The following CRHBP variants were observed in gnomAD, a reference collection of about 807,000 sequenced individuals.
CRHBP encodes the protein corticotropin-releasing hormone-binding protein.
Under a neutral mutation model 34.9 loss-of-function variants are expected in CRHBP, and 19 were observed. The observed-to-expected ratio is 0.55, with a 90% CI of 0.38 to 0.80. The LOEUF (loss-of-function observed/expected upper bound fraction) is 0.80, where lower values mean the gene tolerates loss of function less well. Among genes scored for constraint, CRHBP ranks in the 30% least tolerant of loss-of-function variants. CRHBP has a pLI of 0.00. For missense variants in CRHBP, 328 were observed against 409.2 expected (o/e 0.80, Z 1.71); for synonymous variants, 154 against 153.4 (o/e 1.00, Z -0.03).
At chr5:76,962,174 G>C (rs570645635) in intron 5 of CRHBP, among the ~76,000 whole-genome samples, 21 of 152,216 alleles carry the variant, frequency 1.4e-4, no homozygotes, top group Admixed American at 8.5e-4. Context: ...GAAGTACTGA[G>C]CACCTTGTCA....
At chr5:76,980,567 G>A (rs964430897) in intron 3 of CRHBP, among the ~76,000 whole-genome samples, 10 of 152,190 alleles carry the variant, frequency 6.6e-5, no homozygotes, top group Non-Finnish European at 1.3e-4. Context: ...TTGAATATTT[G>A]GTCAACTTGG....
intron 6 of CRHBP, 78 bp from the exon 7 acceptor site, chr5:76,968,650 A>C: frequency 6.9e-7 from 1 of 1,452,950 alleles, no homozygotes; most frequent in African/African-American, 1.4e-5. Context: ...CATTATGTTT[A>C]AGTGATCCCG....
At chr5:76,963,555 G>A (rs1308495729) in intron 6 of CRHBP, 95 bp downstream of exon 6, 14 of 1,047,420 alleles carry the variant, frequency 1.3e-5, no homozygotes, top group African/African-American at 1.6e-5. Context: ...GGTGAGTTTC[G>A]CCAAAAAAGC....
intron 2 of CRHBP, among the ~76,000 whole-genome samples, chr5:76,975,926 ATGTG>A (rs1229629826): frequency 2.9e-5 from 3 of 101,834 alleles, no homozygotes; most frequent in East Asian, 3.0e-4. Context: ...GTGTATATAT[ATGTG>A]TGTGTGTATA....
intron 6 of CRHBP, among the ~76,000 whole-genome samples, chr5:76,964,717 A>G (rs1228542063): frequency 6.6e-6 from 1 of 152,126 alleles, no homozygotes; most frequent in East Asian, 1.9e-4. Flanking sequence ...TTAGCCAGGC[A>G]TCGTGGTGCA....
At chr5:76,968,002 A>T (rs1745885065) in intron 6 of CRHBP, among the ~76,000 whole-genome samples, 1 of 152,034 alleles carries the variant, frequency 6.6e-6, no homozygotes, top group South Asian at 2.1e-4. Flanking sequence ...CAGCTGAATA[A>T]GATTGGATTT....
intron 5 of CRHBP, among the ~76,000 whole-genome samples, chr5:76,962,046 G>A (rs542467737): frequency 9.9e-5 from 15 of 152,262 alleles, no homozygotes; most frequent in African/African-American, 3.6e-4. Context: ...GAGCCACCAT[G>A]CTGGTCAGTG....
intron 4 of CRHBP, among the ~76,000 whole-genome samples, chr5:76,957,793 CA>C (rs1210957482): frequency 6.6e-6 from 1 of 152,170 alleles, no homozygotes; most frequent in East Asian, 1.9e-4. Context: ...ACTTAACATG[CA>C]GCAAATATTT....
chr5:76,963,101 G>T, intron 5 of CRHBP: 1 of 411,156 alleles, frequency 2.4e-6, no homozygotes, highest in Non-Finnish European at 4.3e-6. Flanking sequence ...TAAAAAAAAT[G>T]AAAAAAACAT....
chr5:76,957,573 AC>A (rs549464051), intron 4 of CRHBP, among the ~76,000 whole-genome samples: 7 of 151,996 alleles, frequency 4.6e-5, no homozygotes, highest in Admixed American at 4.6e-4. Flanking sequence ...TTTAGTAGAG[AC>A]AGAGTTTCAC....
Position 76,958,909 on chromosome 5 carries a change from C to T in CRHBP, c.693+20C>T. 6.2e-6 allele frequency: 10 copies of T among 1,611,488 alleles called. No individual in the cohort carries two copies. The highest frequency in any genetic ancestry group is 8.5e-6 in the Non-Finnish European group (10 of 1,179,196). On this transcript the variant is annotated intron_variant, in intron 5 of 6. Coordinates refer to ENST00000274368, the MANE Select transcript of CRHBP (RefSeq NM_001882.4). The stretch of plus-strand genomic sequence containing the variant: ...TTAAAGGTGAGTTGCTTACTTGTTT[C>T]CTAACCGTTTGATAAGGCCACAACT...
chr5:76,975,803 CA>C (rs1158363151), intron 2 of CRHBP, among the ~76,000 whole-genome samples: 3,444 of 33,444 alleles, frequency 0.1, 48 homozygotes, highest in East Asian at 0.19. Context: ...GACTCTGTCT[CA>C]AAAAAAAAAA....
rs775534053 is a variant in CRHBP at position 76,953,666 on chromosome 5, T to G, written c.147T>G (p.Ala49=). ...GCGCCAACCTGAAGCGGGAGCTGGC[T>G]GGGGAGCAGCCGTACCGCCGCGCTC... is the stretch of plus-strand genomic sequence containing the variant. ...LFSANLKREL[A]GEQPYRRALR... The change falls in exon 2 of 7, where the codon GCT becomes GCG. Residue 49 remains alanine, a synonymous_variant. Transcript: ENST00000274368. 6.2e-7 allele frequency: 1 copy of G among 1,608,438 alleles called. No individual in the cohort carries two copies. Among genetic ancestry groups the G allele is most frequent in the Middle Eastern group, 1.7e-4 (1 of 5,972 alleles).
chr5:76,969,934 C>CTT (rs201228247), downstream of CRHBP, among the ~76,000 whole-genome samples: 1,151 of 61,668 alleles, frequency 0.019, 87 homozygotes, highest in Non-Finnish European at 0.022. Context: ...AAAGAAAATT[C>CTT]TTTTTTTTTT....
chr5:76,958,083 C>T (rs377572622), intron 4 of CRHBP, among the ~76,000 whole-genome samples: 32 of 151,696 alleles, frequency 2.1e-4, no homozygotes, highest in African/African-American at 7.0e-4. Context: ...CACTTGAACC[C>T]GGGAGGCAGA....
intron 1 of CRHBP, 108 bp downstream of exon 1, chr5:76,953,323 C>T (rs1172776512): frequency 4.8e-6 from 5 of 1,049,368 alleles, no homozygotes; most frequent in Non-Finnish European, 7.2e-6. Context: ...TTTCTTCCCT[C>T]TCTGCTGGAT....
intron 4 of CRHBP, among the ~76,000 whole-genome samples, chr5:76,956,292 G>C (rs541256247): frequency 2.6e-5 from 4 of 152,226 alleles, no homozygotes; most frequent in Admixed American, 6.5e-5. Flanking sequence ...GTGGTAGACC[G>C]ATGTCATGCC....
intron 1 of CRHBP, 88 bp from the exon 2 acceptor site, chr5:76,953,513 T>C: frequency 7.9e-7 from 1 of 1,265,572 alleles, no homozygotes; most frequent in Non-Finnish European, 1.1e-6. Flanking sequence ...TTCGCTATGC[T>C]GAGTGGCAGG....
At chr5:76,967,702 A>ATT (rs753520164) in intron 6 of CRHBP, among the ~76,000 whole-genome samples, 23 of 145,050 alleles carry the variant, frequency 1.6e-4, no homozygotes, top group African/African-American at 4.8e-4. Context: ...ATAAGATTGG[A>ATT]TTTTTTTTTT....
Sources: allele counts gnomAD v4.1 joint callset (sites outside exome capture counted in the v4.1 genomes callset), GRCh38; gene constraint gnomAD v4.1.1; transcripts MANE v1.5; gene names NCBI Gene and HGNC (gene_info 2026-07-23, HGNC 2026-07-21).